Variants in PRPSAP1 observed in about 807,000 individuals in gnomAD.
PRPSAP1 encodes the protein phosphoribosyl pyrophosphate synthetase associated protein 1.
A neutral mutation model predicts 39.4 loss-of-function variants in PRPSAP1; 31 were observed. The observed-to-expected ratio is 0.79, with a 90% CI of 0.59 to 1.06. The LOEUF (loss-of-function observed/expected upper bound fraction) is 1.06, where lower values mean the gene tolerates loss of function less well. PRPSAP1 is among the 50% of genes least tolerant of loss of function. The pLI, the probability that PRPSAP1 is intolerant of heterozygous loss-of-function variation, is 0.00. For missense variants in PRPSAP1, 430 were observed against 511.6 expected (o/e 0.84, Z 1.54); for synonymous variants, 212 against 192.6 (o/e 1.10, Z -0.83).
intron 3 of PRPSAP1, among the ~76,000 whole-genome samples, chr17:76,344,333 G>A (rs2071472390): frequency 6.6e-6 from 1 of 152,102 alleles, no homozygotes; most frequent in South Asian, 2.1e-4. Context: ...GTTTCACCAT[G>A]TTAGCCAGGA....
intron 7 of PRPSAP1, among the ~76,000 whole-genome samples, chr17:76,324,787 T>C (rs1598523305): frequency 6.7e-6 from 1 of 149,754 alleles, no homozygotes; most frequent in Admixed American, 6.7e-5. Flanking sequence ...GCTGGCAGGG[T>C]GCAGTGGCTC....
chr17:76,315,762 T>A (rs1429751209), intron 7 of PRPSAP1, among the ~76,000 whole-genome samples: 2 of 133,550 alleles, frequency 1.5e-5, no homozygotes, highest in African/African-American at 5.6e-5. Context: ...TCTCCCAGGC[T>A]GGAGTGCAGT....
chr17:76,341,046 G>A (rs1283694564), intron 3 of PRPSAP1, among the ~76,000 whole-genome samples: 1 of 151,874 alleles, frequency 6.6e-6, no homozygotes, highest in Non-Finnish European at 1.5e-5. Flanking sequence ...CTCCTCCCCT[G>A]ACTCATAGAT....
intron 1 of PRPSAP1, among the ~76,000 whole-genome samples, chr17:76,351,169 T>C (rs890462279): frequency 2.6e-5 from 4 of 151,944 alleles, no homozygotes; most frequent in African/African-American, 9.7e-5. Flanking sequence ...GGTCAGGAGT[T>C]TGAGACCAGC....
At chr17:76,313,040 G>C in intron 8 of PRPSAP1, 24 bp from the exon 9 acceptor site, 1 of 1,610,316 alleles carries the variant, frequency 6.2e-7, no homozygotes, top group Non-Finnish European at 8.5e-7. Context: ...AGAGTGAGTT[G>C]GTAGGAAAGA....
intron 6 of PRPSAP1, 53 bp from the exon 7 acceptor site, chr17:76,328,915 A>G (rs945070610): frequency 2.0e-6 from 3 of 1,534,504 alleles, no homozygotes; most frequent in African/African-American, 1.4e-5. Flanking sequence ...CCCACGCATC[A>G]CTACGGCATC....
Position 76,336,611 on chromosome 17 carries a change from A to G in PRPSAP1, c.291-4176T>C, listed in dbSNP as rs371034958. The stretch of plus-strand genomic sequence containing the variant: ...GCCAGGCATGGTGGTGCATGCCTGT[A>G]ATCCCAGTTACTCAGGAGGCTGAGG... On this transcript the variant is annotated intron_variant, in intron 3 of 9. Transcript: ENST00000446526. Among the ~76,000 whole-genome samples, 637 of 150,724 alleles carry G rather than the reference A, an allele frequency of 4.2e-3. 4 individuals are homozygous for G. Among genetic ancestry groups the G allele is most frequent in the Non-Finnish European group, 5.3e-3 (358 of 67,774 alleles).
chr17:76,313,844 C>T lies in PRPSAP1; in HGVS notation c.829G>A (p.Gly277Arg), dbSNP rs1265289892. Residue 277 changes from glycine (G) to arginine (R), a missense_variant, in exon 8 of 10, where the codon GGA becomes AGA. Physicochemically the swap from Gly to Arg is moderately radical, Grantham distance 125. This residue lies in a region of PRPSAP1 where 278 missense variants were observed against 376.3 expected (regional missense o/e 0.74). Coordinates refer to ENST00000446526, the MANE Select transcript of PRPSAP1 (RefSeq NM_002766.3). The part of the protein sequence containing the change: ...KPPITVVGDV[G>R]GRIAIIVDDI... ...ACCACGATGATTGCGATGCGGCCTC[C>T]AACATCTCCAACTACAGTTATCGGT... is the stretch of plus-strand genomic sequence containing the variant. 2 of 1,614,194 alleles carry T rather than the reference C, an allele frequency of 1.2e-6. No homozygotes were observed. Among genetic ancestry groups the T allele is most frequent in the Non-Finnish European group, 8.5e-7 (1 of 1,180,024 alleles).
At chr17:76,344,011 C>T (rs1238307750) in intron 3 of PRPSAP1, among the ~76,000 whole-genome samples, 2 of 152,062 alleles carry the variant, frequency 1.3e-5, no homozygotes, top group Admixed American at 1.3e-4. Context: ...AGTGCAGTGG[C>T]GCGATCTCAG....
chr17:76,320,717 T>C (rs936601694), intron 7 of PRPSAP1, among the ~76,000 whole-genome samples: 6 of 150,630 alleles, frequency 4.0e-5, no homozygotes, highest in African/African-American at 1.5e-4. Context: ...TACCAGATAA[T>C]AAAATTTTTA....
Position 76,353,773 on chromosome 17 carries a change from A to C in PRPSAP1, c.-70T>G. Reference sequence around the variant, plus strand: ...CACTCTGAGTGCTTCCGACTGCGAGACCCCGGTTTGGGTGGGGAAGGCGCT... The same window carrying C: ...CACTCTGAGTGCTTCCGACTGCGAGCCCCCGGTTTGGGTGGGGAAGGCGCT... On this transcript the variant is annotated 5_prime_UTR_variant, in exon 1 of 10. Coordinates refer to ENST00000446526, the MANE Select transcript of PRPSAP1 (RefSeq NM_002766.3). The C allele has an allele frequency of 7.2e-7, 1 of 1,391,780 alleles. No homozygotes were observed. 86.2% of individuals were successfully genotyped at this position (1,391,780 alleles called of 1,614,324 possible). A position where few individuals can be genotyped will look rare whatever the true frequency, so the allele number is the denominator to read the frequency against.
chr17:76,336,276 A>G (rs1737464180), intron 3 of PRPSAP1, among the ~76,000 whole-genome samples: 1 of 152,144 alleles, frequency 6.6e-6, no homozygotes, highest in African/African-American at 2.4e-5. Flanking sequence ...CGTCTCTACT[A>G]AAAATTCAAA....
intron 3 of PRPSAP1, 117 bp downstream of exon 3, chr17:76,344,554 A>C (rs1045612154): frequency 1.1e-6 from 1 of 936,974 alleles, no homozygotes; most frequent in African/African-American, 1.7e-5. Flanking sequence ...CGTGAGCCAC[A>C]CGCCCGGCCT....
intron 4 of PRPSAP1, 139 bp from the exon 5 acceptor site, chr17:76,330,805 G>A (rs2143500789): frequency 3.7e-6 from 2 of 534,150 alleles, no homozygotes; most frequent in East Asian, 6.2e-5. Context: ...GCAGTCACAG[G>A]CTTGATTGTT....
intron 3 of PRPSAP1, among the ~76,000 whole-genome samples, chr17:76,335,557 T>C (rs918640372): frequency 2.0e-5 from 3 of 152,028 alleles, no homozygotes; most frequent in African/African-American, 7.3e-5. Context: ...GGTTTCACCA[T>C]GTTGGCCAGG....
chr17:76,348,620 ACT>A (rs2071536074), intron 1 of PRPSAP1, 39 bp from the exon 2 acceptor site: 9 of 1,480,780 alleles, frequency 6.1e-6, no homozygotes, highest in Non-Finnish European at 6.3e-6. Context: ...AATTAAGATT[ACT>A]CTTTTTAAAA....
intron 7 of PRPSAP1, among the ~76,000 whole-genome samples, chr17:76,320,850 C>T (rs916762517): frequency 1.3e-5 from 2 of 151,086 alleles, no homozygotes; most frequent in African/African-American, 2.4e-5. Flanking sequence ...GGTGCGATCT[C>T]GGCTCACTGC....
intron 3 of PRPSAP1, among the ~76,000 whole-genome samples, chr17:76,343,768 G>C (rs2071465596): frequency 6.6e-6 from 1 of 152,106 alleles, no homozygotes; most frequent in Non-Finnish European, 1.5e-5. Flanking sequence ...CCAGGAGGTA[G>C]AGGCTGCAGT....
intron 3 of PRPSAP1, among the ~76,000 whole-genome samples, chr17:76,333,506 G>A (rs957874918): frequency 2.0e-5 from 3 of 151,998 alleles, no homozygotes; most frequent in Admixed American, 6.6e-5. Flanking sequence ...TTAGCCAGGT[G>A]TGGTGGCACG....
Sources: gnomAD v4.1 joint callset for allele counts (sites outside exome capture counted in the v4.1 genomes callset) on GRCh38, gnomAD v4.1.1 for gene constraint, gnomAD v4.1.1 regional missense constraint, MANE v1.5 for transcripts, NCBI Gene and HGNC (gene_info 2026-07-23, HGNC 2026-07-21) for gene names.